Variants in KATNIP observed in about 807,000 individuals in gnomAD.
KATNIP encodes the protein katanin interacting protein.
KATNIP carries 126 observed loss-of-function variants against 174.0 expected under a neutral mutation model. The ratio of observed to expected loss-of-function variants is 0.72; its 90% CI spans 0.63 to 0.84. KATNIP has a LOEUF of 0.84. Among genes scored for constraint, KATNIP ranks in the 40% least tolerant of loss-of-function variants. The pLI, the probability that KATNIP is intolerant of heterozygous loss-of-function variation, is 0.00. For synonymous variants in KATNIP, 810 were observed against 835.7 expected (o/e 0.97, Z 0.53); for missense variants, 1,958 against 2,109.7 (o/e 0.93, Z 1.41).
chr16:27,698,594 A>T, intron 9 of KATNIP, 94 bp downstream of exon 9: 1 of 1,304,482 alleles, frequency 7.7e-7, no homozygotes, highest in Middle Eastern at 2.7e-4. Flanking sequence ...CAGAAGAGAG[A>T]GGTGTAGTGG....
chr16:27,605,409 A>AT (rs1387240445), intron 2 of KATNIP, among the ~76,000 whole-genome samples: 1 of 152,218 alleles, frequency 6.6e-6, no homozygotes, highest in Non-Finnish European at 1.5e-5. Context: ...TTTTATAAAA[A>AT]TACACCGTAA....
At chr16:27,771,002 C>G (rs1158868000) in intron 21 of KATNIP, among the ~76,000 whole-genome samples, 1 of 152,216 alleles carries the variant, frequency 6.6e-6, no homozygotes, top group African/African-American at 2.4e-5. Context: ...TGCTGCTCCT[C>G]TGCGTGGAAG....
At chr16:27,763,966 G>GT (rs1291146279) in intron 19 of KATNIP, among the ~76,000 whole-genome samples, 3 of 152,154 alleles carry the variant, frequency 2.0e-5, no homozygotes, top group African/African-American at 7.2e-5. Flanking sequence ...TCAGATTGAG[G>GT]TTTGACTACT....
Position 27,767,455 on chromosome 16 carries a change from C to T in KATNIP, c.3975+981C>T, listed in dbSNP as rs534847276. Reference sequence around the variant, plus strand: ...GTATCACAGACCAGGTGTAGAGGCTCACGCCTGTAATCCCAGTACTTTGGG... The same window carrying T: ...GTATCACAGACCAGGTGTAGAGGCTTACGCCTGTAATCCCAGTACTTTGGG... On this transcript the variant is annotated intron_variant, in intron 20 of 27. Transcript: ENST00000261588. Among the ~76,000 whole-genome samples, 9 of 152,282 alleles carry T rather than the reference C, an allele frequency of 5.9e-5. No individual in the cohort carries two copies. The South Asian group carries it at 1.7e-3, about 28-fold the overall frequency.
intron 15 of KATNIP, among the ~76,000 whole-genome samples, chr16:27,744,711 C>T (rs1468432753): frequency 1.3e-5 from 2 of 151,898 alleles, no homozygotes; most frequent in South Asian, 4.2e-4. Context: ...GGCAAAACAC[C>T]GTCTCTACTA....
chr16:27,556,345 A>G (rs373819495), intron 1 of KATNIP, among the ~76,000 whole-genome samples: 2 of 152,302 alleles, frequency 1.3e-5, no homozygotes, highest in South Asian at 4.1e-4. Context: ...TTTTCTGCCT[A>G]TGAAAATGTT....
chr16:27,692,673 T>C (rs568506717), intron 8 of KATNIP, among the ~76,000 whole-genome samples: 2 of 152,288 alleles, frequency 1.3e-5, no homozygotes, highest in Admixed American at 1.3e-4. Context: ...AGATATCCTC[T>C]TCCCAGATGG....
chr16:27,559,655 T>C (rs1308796379), intron 1 of KATNIP, among the ~76,000 whole-genome samples: 1 of 144,578 alleles, frequency 6.9e-6, no homozygotes, highest in Non-Finnish European at 1.5e-5. Flanking sequence ...CACTCTAGCC[T>C]GGGCAACAGA....
intron 6 of KATNIP, among the ~76,000 whole-genome samples, chr16:27,655,177 GATATATATATATATATATATATATATAT>G (rs869205308): frequency 0.016 from 625 of 38,564 alleles, 29 homozygotes; most frequent in Middle Eastern, 0.12. Context: ...CCCTAGAATG[GATATATATATATATATATATATATATAT>G]ATATATATAT....
chr16:27,601,574 C>T (rs1397702195), intron 2 of KATNIP, among the ~76,000 whole-genome samples: 1 of 152,140 alleles, frequency 6.6e-6, no homozygotes, highest in Non-Finnish European at 1.5e-5. Context: ...CTTTGGCCTC[C>T]CAAAGTTCTG....
At chr16:27,621,465 C>T (rs912225776) in intron 3 of KATNIP, among the ~76,000 whole-genome samples, 81 of 152,240 alleles carry the variant, frequency 5.3e-4, no homozygotes, top group African/African-American at 1.8e-3. Flanking sequence ...AAAGCCCCTA[C>T]GTACATCCTA....
intron 13 of KATNIP, among the ~76,000 whole-genome samples, chr16:27,709,364 G>A (rs2079472387): frequency 6.6e-6 from 1 of 151,724 alleles, no homozygotes. Context: ...GCTCACACCT[G>A]TAATCCCAGC....
intron 16 of KATNIP, among the ~76,000 whole-genome samples, chr16:27,750,732 CTTTTTTTTTTTTT>C (rs397854747): frequency 7.6e-5 from 7 of 92,100 alleles, no homozygotes; most frequent in Non-Finnish European, 4.2e-5. Flanking sequence ...GCGCCCAGCC[CTTTTTTTTTTTTT>C]TTTTTTTTTT....
chr16:27,568,716 G>A (rs2090177737), intron 1 of KATNIP, among the ~76,000 whole-genome samples: 1 of 152,070 alleles, frequency 6.6e-6, no homozygotes. Context: ...GCCCGCCCGG[G>A]CCTCCCAAAG....
Position 27,741,354 on chromosome 16 carries a change from CT to C in KATNIP, c.2623+436del, listed in dbSNP as rs368143527. Among the ~76,000 whole-genome samples, 176 of 152,122 alleles carry C rather than the reference CT, an allele frequency of 1.2e-3. 1 individual carries two copies. Among genetic ancestry groups the C allele is most frequent in the Admixed American group, 4.4e-3 (68 of 15,294 alleles). ...TTGGGAGGCTTAGGTAGGAGGATCG[CT>C]TGAGCCAAGGAGGTCGAGGCTACGG... On this transcript the variant is annotated intron_variant, in intron 15 of 27. Coordinates refer to ENST00000261588, the MANE Select transcript of KATNIP (RefSeq NM_015202.5).
intron 7 of KATNIP, 82 bp from the exon 8 acceptor site, chr16:27,681,317 A>G (rs2078329462): frequency 6.5e-7 from 1 of 1,531,886 alleles, no homozygotes; most frequent in Admixed American, 1.7e-5. Context: ...GAGTAAGTGA[A>G]TGAATGATGA....
intron 16 of KATNIP, among the ~76,000 whole-genome samples, chr16:27,750,512 C>T (rs1304229065): frequency 3.3e-5 from 5 of 151,166 alleles, no homozygotes; most frequent in Non-Finnish European, 5.9e-5. Context: ...ATCCGCCTCC[C>T]GGGTTCACGC....
intron 6 of KATNIP, among the ~76,000 whole-genome samples, chr16:27,666,694 G>C (rs147571677): frequency 6.6e-6 from 1 of 152,122 alleles, no homozygotes; most frequent in Admixed American, 6.5e-5. Flanking sequence ...ACAGGTGTGA[G>C]CCACCATGCC....
At chr16:27,562,956 C>T (rs973237263) in intron 1 of KATNIP, among the ~76,000 whole-genome samples, 1 of 152,198 alleles carries the variant, frequency 6.6e-6, no homozygotes, top group African/African-American at 2.4e-5. Context: ...CTGCAGAACA[C>T]GGTCATGCCT....
Sources: allele counts gnomAD v4.1 joint callset (sites outside exome capture counted in the v4.1 genomes callset), GRCh38; gene constraint gnomAD v4.1.1; transcripts MANE v1.5; gene names NCBI Gene and HGNC (gene_info 2026-07-23, HGNC 2026-07-21).